The following AFG1L variants were observed in gnomAD, a reference collection of about 807,000 sequenced individuals.
The protein encoded by AFG1L is AFG1 like ATPase, also known as AFG1-like ATPase.
A neutral mutation model predicts 62.2 loss-of-function variants in AFG1L; 53 were observed. The observed-to-expected ratio is 0.85, with a 90% CI of 0.68 to 1.07. The LOEUF (loss-of-function observed/expected upper bound fraction) is 1.07. Ranked by LOEUF, AFG1L falls within the 50% of genes least tolerant of loss-of-function variation. The pLI is 0.00. For missense variants in AFG1L, 555 were observed against 590.5 expected (o/e 0.94, Z 0.62); for synonymous variants, 228 against 210.3 (o/e 1.08, Z -0.73).
chr6:108,427,802 G>A (rs752289954), intron 7 of AFG1L, among the ~76,000 whole-genome samples: 2 of 152,110 alleles, frequency 1.3e-5, no homozygotes, highest in African/African-American at 4.8e-5. Flanking sequence ...GATTACAGGC[G>A]TGAGCCACCA....
chr6:108,410,564 T>A (rs1782054014), intron 7 of AFG1L, among the ~76,000 whole-genome samples: 1 of 152,188 alleles, frequency 6.6e-6, no homozygotes, highest in Admixed American at 6.5e-5. Context: ...GGATATATGA[T>A]AATTTAGGAT....
chr6:108,512,062 A>T (rs1052972162), intron 11 of AFG1L, among the ~76,000 whole-genome samples: 3 of 152,184 alleles, frequency 2.0e-5, no homozygotes, highest in Non-Finnish European at 4.4e-5. Flanking sequence ...CCTATGGCAG[A>T]ACCATGTGGC....
intron 10 of AFG1L, among the ~76,000 whole-genome samples, chr6:108,486,221 C>G (rs992554231): frequency 6.6e-6 from 1 of 152,126 alleles, no homozygotes; most frequent in African/African-American, 2.4e-5. Context: ...GATGGTTTTT[C>G]TATTGCTTAC....
At position 108,338,446 on chromosome 6, in the gene AFG1L, A is replaced by T. The variant is rs567726149; in HGVS notation, c.364-8542A>T. Among the ~76,000 whole-genome samples the T allele has an allele frequency of 3.3e-5, 5 of 152,360 alleles. No homozygotes were observed. In the South Asian group the frequency reaches 1.0e-3, roughly 32 times the overall value. On this transcript the variant is annotated intron_variant, in intron 2 of 12. Coordinates refer to ENST00000368977, the MANE Select transcript of AFG1L (RefSeq NM_145315.5). ...CTCAGAGAATCACAATGCCATTAGT[A>T]TATCAAAGACTCTGAGAAATTCTGC... is the stretch of plus-strand genomic sequence containing the variant.
intron 8 of AFG1L, among the ~76,000 whole-genome samples, chr6:108,447,661 ATTG>A (rs1027112476): frequency 1.3e-5 from 2 of 152,128 alleles, no homozygotes; most frequent in Non-Finnish European, 2.9e-5. Flanking sequence ...TCCCCCCAAA[ATTG>A]TTGTTTTATT....
rs557758912 is a variant in AFG1L, at chr6:108,477,632, A to T, written c.1062+340A>T. Among the ~76,000 whole-genome samples, 24 of 152,314 alleles carry T rather than the reference A, an allele frequency of 1.6e-4. No homozygotes were observed. The East Asian group carries it at 4.6e-3, about 29-fold the overall frequency. On this transcript the variant is annotated intron_variant, in intron 10 of 12. Transcript: ENST00000368977. ...TTTGAGGTGAGAGTTAGGAAAAAGG[A>T]AGATGAAATAATGCTATCATGATCC...
intron 7 of AFG1L, among the ~76,000 whole-genome samples, chr6:108,444,287 A>T (rs551377370): frequency 6.6e-6 from 1 of 152,270 alleles, no homozygotes; most frequent in Non-Finnish European, 1.5e-5. Flanking sequence ...AACCTTAATT[A>T]AAAAAATACT....
At chr6:108,450,157 G>A (rs534819313) in intron 8 of AFG1L, among the ~76,000 whole-genome samples, 13 of 152,190 alleles carry the variant, frequency 8.5e-5, no homozygotes, top group Non-Finnish European at 1.9e-4. Context: ...TCTAGTTCTA[G>A]ATCCCTGAGG....
intron 10 of AFG1L, among the ~76,000 whole-genome samples, chr6:108,481,339 T>C (rs1773315250): frequency 6.6e-6 from 1 of 152,168 alleles, no homozygotes; most frequent in Non-Finnish European, 1.5e-5. Flanking sequence ...CCAAGGGTAG[T>C]GGAGAAGTCA....
At chr6:108,371,381 A>C (rs1051981581) in intron 6 of AFG1L, among the ~76,000 whole-genome samples, 3 of 152,114 alleles carry the variant, frequency 2.0e-5, no homozygotes, top group African/African-American at 7.2e-5. Flanking sequence ...GTTTGAGACT[A>C]GCCTGGGCAA....
intron 8 of AFG1L, among the ~76,000 whole-genome samples, chr6:108,454,099 G>A (rs895207926): frequency 1.3e-5 from 2 of 152,076 alleles, no homozygotes; most frequent in South Asian, 2.1e-4. Context: ...AATTTTTATG[G>A]TCTTATGCCA....
intron 11 of AFG1L, among the ~76,000 whole-genome samples, chr6:108,517,208 C>T (rs1774933500): frequency 6.6e-6 from 1 of 152,098 alleles, no homozygotes; most frequent in Non-Finnish European, 1.5e-5. Context: ...AATCCTAAGC[C>T]AAAAGAACAA....
intron 1 of AFG1L, among the ~76,000 whole-genome samples, chr6:108,299,278 A>T (rs576726074): frequency 7.5e-4 from 114 of 152,204 alleles, no homozygotes; most frequent in African/African-American, 2.2e-3. Flanking sequence ...AAAAAAAAAA[A>T]AAATAAATTA....
At chr6:108,338,470 G>T (rs1778552753) in intron 2 of AFG1L, among the ~76,000 whole-genome samples, 2 of 152,268 alleles carry the variant, frequency 1.3e-5, no homozygotes, top group African/African-American at 4.8e-5. Context: ...GAGAAATTCT[G>T]CAGTAAACAA....
At chr6:108,517,996 A>C (rs1405167008) in intron 11 of AFG1L, among the ~76,000 whole-genome samples, 1 of 152,226 alleles carries the variant, frequency 6.6e-6, no homozygotes, top group Non-Finnish European at 1.5e-5. Flanking sequence ...TTAAAAAGTC[A>C]GGAAACAACA....
At position 108,323,963 on chromosome 6, in the gene AFG1L, A is replaced by C; in HGVS notation, c.278A>C (p.His93Pro). Residue 93 changes from histidine (H) to proline (P), a missense_variant, in exon 2 of 13, where the codon CAT becomes CCT. His to Pro is a moderately conservative substitution (Grantham distance 77). Coordinates refer to ENST00000368977, the MANE Select transcript of AFG1L (RefSeq NM_145315.5). The stretch of plus-strand genomic sequence containing the variant: ...GCTCATGAGCTAAAGGATGATGAAC[A>C]TCAAAGAAGAGTCATACAGTGTTTG... Reference protein sequence around the residue: ...IKAHELKDDEHQRRVIQCLQK... With the variant: ...IKAHELKDDEPQRRVIQCLQK... 6.2e-7 allele frequency: 1 copy of C among 1,614,230 alleles called. No individual in the cohort carries two copies. Among genetic ancestry groups the C allele is most frequent in the South Asian group, 1.1e-5 (1 of 91,088 alleles).
chr6:108,330,178 T>A (rs548864619), intron 2 of AFG1L, among the ~76,000 whole-genome samples: 1,334 of 81,138 alleles, frequency 0.016, 13 homozygotes, highest in Non-Finnish European at 0.032. Flanking sequence ...TAAATTCCTT[T>A]TTTATTTTTT....
intron 8 of AFG1L, among the ~76,000 whole-genome samples, chr6:108,462,834 C>T (rs944153236): frequency 1.3e-5 from 2 of 152,072 alleles, no homozygotes; most frequent in African/African-American, 2.4e-5. Flanking sequence ...TATAAAAATA[C>T]GGAAGAGGGT....
intron 10 of AFG1L, among the ~76,000 whole-genome samples, chr6:108,481,118 CT>C (rs1218348098): frequency 1.3e-5 from 2 of 152,200 alleles, no homozygotes; most frequent in Non-Finnish European, 2.9e-5. Context: ...AATAAAAATA[CT>C]TTCTCTTCCT....
Sources: allele counts gnomAD v4.1 joint callset (sites outside exome capture counted in the v4.1 genomes callset), GRCh38; gene constraint gnomAD v4.1.1; transcripts MANE v1.5; gene names NCBI Gene and HGNC (gene_info 2026-07-23, HGNC 2026-07-21).